Variants in ELOF1 observed in about 807,000 individuals in gnomAD.
ELOF1 encodes elongation factor 1.
A neutral mutation model predicts 7.1 loss-of-function variants in ELOF1; 4 were observed. That is an observed-to-expected ratio of 0.56 (90% CI 0.28 to 1.29). The LOEUF (loss-of-function observed/expected upper bound fraction) is 1.29. Ranked by LOEUF, ELOF1 falls within the 50% of genes most tolerant of loss-of-function variation. ELOF1 has a pLI of 0.10. For synonymous variants in ELOF1, 31 were observed against 31.9 expected (o/e 0.97, Z 0.09); for missense variants, 59 against 86.3 (o/e 0.68, Z 1.25).
chr19:11,557,014 A>G (rs1338416814), intron 1 of ELOF1, among the ~76,000 whole-genome samples: 1 of 152,088 alleles, frequency 6.6e-6, no homozygotes, highest in Admixed American at 6.6e-5. Flanking sequence ...GGGAAAAAAA[A>G]ACTCTTCATC....
intron 3 of ELOF1, 81 bp from the exon 4 acceptor site, chr19:11,553,891 G>T (rs758957440): frequency 6.2e-7 from 1 of 1,609,712 alleles, no homozygotes. Flanking sequence ...TCACTAGGTG[G>T]CACCTGTTCC....
chr19:11,558,309 ACC>A (rs1972862765), intron 1 of ELOF1, among the ~76,000 whole-genome samples: 1 of 151,832 alleles, frequency 6.6e-6, no homozygotes, highest in Non-Finnish European at 1.5e-5. Flanking sequence ...AGAGACAGGG[ACC>A]CACCATGTTG....
chr19:11,558,740 A>AAAG (rs1555746266), intron 1 of ELOF1, among the ~76,000 whole-genome samples: 1 of 151,824 alleles, frequency 6.6e-6, no homozygotes, highest in Non-Finnish European at 1.5e-5. Context: ...AAAAAAAAAA[A>AAAG]AAGTCCAAAC....
intron 1 of ELOF1, among the ~76,000 whole-genome samples, chr19:11,556,698 C>T (rs1972839708): frequency 6.6e-6 from 1 of 151,414 alleles, no homozygotes; most frequent in African/African-American, 2.4e-5. Flanking sequence ...CATTCACCCA[C>T]CCTCTTTATT....
intron 1 of ELOF1, 49 bp from the exon 2 acceptor site, chr19:11,554,414 C>A: frequency 6.3e-7 from 1 of 1,590,028 alleles, no homozygotes; most frequent in Non-Finnish European, 8.6e-7. Context: ...ACGCAGCGCC[C>A]CAGCTCAATG....
intron 1 of ELOF1, among the ~76,000 whole-genome samples, chr19:11,557,920 C>T (rs905137837): frequency 3.3e-5 from 5 of 152,176 alleles, no homozygotes; most frequent in Non-Finnish European, 7.3e-5. Flanking sequence ...GCTATACTCA[C>T]CACATGAAGA....
chr19:11,558,312 C>T (rs1216553400), intron 1 of ELOF1, among the ~76,000 whole-genome samples: 1 of 151,968 alleles, frequency 6.6e-6, no homozygotes, highest in East Asian at 2.0e-4. Context: ...GACAGGGACC[C>T]ACCATGTTGC....
chr19:11,557,829 G>T (rs544642721), intron 1 of ELOF1, among the ~76,000 whole-genome samples: 5 of 151,166 alleles, frequency 3.3e-5, no homozygotes, highest in African/African-American at 1.2e-4. Context: ...GGAGGCGGAG[G>T]TTGCAGTGAG....
intron 3 of ELOF1, chr19:11,553,581 C>CCA (rs1568420596): frequency 3.0e-6 from 2 of 676,988 alleles, no homozygotes; most frequent in East Asian, 3.2e-5. Context: ...CGCACACCCA[C>CCA]TACACACACA....
chr19:11,554,360 A>G, exon 2 of ELOF1: 1 of 1,613,494 alleles, frequency 6.2e-7, no homozygotes, highest in Non-Finnish European at 8.5e-7. Flanking sequence ...CTGCAGGTGG[A>G]TGAGCCTGTG....
At chr19:11,553,668 T>G in intron 3 of ELOF1, 3 of 1,569,462 alleles carry the variant, frequency 1.9e-6, no homozygotes, top group Non-Finnish European at 2.6e-6. Context: ...CCTGGACCCC[T>G]GGAATGTCTC....
chr19:11,557,875 C>T (rs919094624), intron 1 of ELOF1, among the ~76,000 whole-genome samples: 6 of 152,130 alleles, frequency 3.9e-5, no homozygotes, highest in Non-Finnish European at 8.8e-5. Flanking sequence ...GAGCAAAAAG[C>T]CCATGAGTTT....
chr19:11,556,829 A>G (rs1972841260), intron 1 of ELOF1, among the ~76,000 whole-genome samples: 1 of 152,192 alleles, frequency 6.6e-6, no homozygotes, highest in Non-Finnish European at 1.5e-5. Flanking sequence ...ACAGGTGTGC[A>G]CCACCATGCC....
chr19:11,554,642 T>C (rs1443473131), intron 1 of ELOF1: 1 of 478,282 alleles, frequency 2.1e-6, no homozygotes, highest in African/African-American at 1.9e-5. Context: ...TCCTCGTCTA[T>C]AAAACAGAGA....
At chr19:11,556,428 T>C (rs760324916) in intron 1 of ELOF1, among the ~76,000 whole-genome samples, 2 of 151,538 alleles carry the variant, frequency 1.3e-5, no homozygotes, top group Non-Finnish European at 2.9e-5. Flanking sequence ...GCCTCCCGAG[T>C]AGCTGGGAGT....
In ELOF1 at chr19:11,557,009, A is replaced by G. The variant is rs114271375; in HGVS notation, c.-19+2182T>C. 4.1e-3 allele frequency among the ~76,000 whole-genome samples: 622 copies of G among 152,286 alleles called. 6 individuals carry two copies. Among genetic ancestry groups the G allele is most frequent in the African/African-American group, 0.014 (601 of 41,572 alleles). On this transcript the variant is annotated intron_variant, in intron 1 of 3. Transcript: ENST00000586683. The stretch of plus-strand genomic sequence containing the variant: ...TCTCTCCTCATTTAAAAAGGGGGAA[A>G]AAAAAACTCTTCATCCTCTTCCAGC...
At chr19:11,555,055 G>A (rs552396165) in intron 1 of ELOF1, 73 of 163,812 alleles carry the variant, frequency 4.5e-4, no homozygotes, top group African/African-American at 1.6e-3. Context: ...TCAGGAGTTC[G>A]AGACCAGCCT....
At chr19:11,553,363 A>G (rs542680135) in intron 3 of ELOF1, 15 of 448,562 alleles carry the variant, frequency 3.3e-5, no homozygotes, top group Admixed American at 1.8e-4. Context: ...CAGTCCCCCA[A>G]TTCCGCCGGG....
intron 3 of ELOF1, chr19:11,553,560 C>A (rs1599617490): frequency 4.5e-6 from 3 of 671,364 alleles, no homozygotes; most frequent in African/African-American, 2.9e-5. Flanking sequence ...TCACTCACAC[C>A]CACACCCACA....
Sources: gnomAD v4.1 joint callset for allele counts (sites outside exome capture counted in the v4.1 genomes callset) on GRCh38, gnomAD v4.1.1 for gene constraint, MANE v1.5 for transcripts, NCBI Gene and HGNC (gene_info 2026-07-23, HGNC 2026-07-21) for gene names.